Variants in CALN1 observed in about 807,000 individuals in gnomAD.
The protein encoded by CALN1 is calcium-binding protein 8.
In CALN1, 17 loss-of-function variants were observed where a neutral mutation model predicts 30.6. That is an observed-to-expected ratio of 0.56 (90% CI 0.38 to 0.83). The LOEUF is 0.83. Among genes scored for constraint, CALN1 ranks in the 40% least tolerant of loss-of-function variants. The pLI, the probability that CALN1 is intolerant of heterozygous loss-of-function variation, is 0.00. For synonymous variants in CALN1, 156 were observed against 131.4 expected, an observed-to-expected ratio of 1.19 and a Z score of -1.28; for missense variants, 291 against 354.9, an observed-to-expected ratio of 0.82 and a Z score of 1.45.
At chr7:72,212,459 T>C (rs902874609) in intron 3 of CALN1, among the ~76,000 whole-genome samples, 5 of 152,000 alleles carry the variant, frequency 3.3e-5, no homozygotes, top group African/African-American at 1.2e-4. Flanking sequence ...ATTGAAACTA[T>C]TCCAAAATAT....
At chr7:72,356,097 G>A (rs1290017036) in intron 2 of CALN1, among the ~76,000 whole-genome samples, 1 of 152,116 alleles carries the variant, frequency 6.6e-6, no homozygotes, top group African/African-American at 2.4e-5. Context: ...GTATCCCATA[G>A]ATATGCACAA....
At chr7:72,405,536 C>CT (rs944930600) in intron 1 of CALN1, among the ~76,000 whole-genome samples, 98 of 152,256 alleles carry the variant, frequency 6.4e-4, no homozygotes, top group African/African-American at 2.2e-3. Context: ...GCTGCACACT[C>CT]TGTCCCCAGC....
chr7:72,165,341 G>A lies in CALN1; in HGVS notation c.245-59047C>T, dbSNP rs562014351. On this transcript the variant is annotated intron_variant, in intron 3 of 6. Transcript: ENST00000395275. ...TGAGAAGCCGAGGCGGGCAGATCAA[G>A]TTGAGGTCATGAGTTTGAGACCAGC... Among the ~76,000 whole-genome samples, 5 of 152,198 alleles carry A rather than the reference G, an allele frequency of 3.3e-5. No homozygotes were observed. In the East Asian group the frequency reaches 9.7e-4, roughly 29 times the overall value.
intron 2 of CALN1, among the ~76,000 whole-genome samples, chr7:72,370,363 T>C (rs560181654): frequency 6.6e-6 from 1 of 152,314 alleles, no homozygotes; most frequent in African/African-American, 2.4e-5. Flanking sequence ...TTTCAAAAGC[T>C]CTTCATATGC....
At chr7:72,074,502 C>A (rs1804604362) in intron 4 of CALN1, among the ~76,000 whole-genome samples, 1 of 152,184 alleles carries the variant, frequency 6.6e-6, no homozygotes. Context: ...CTGCCTCCCA[C>A]GTTCAAGCGA....
chr7:72,411,480 T>C (rs1199293775), intron 1 of CALN1, among the ~76,000 whole-genome samples: 9 of 152,128 alleles, frequency 5.9e-5, no homozygotes, highest in Admixed American at 5.9e-4. Flanking sequence ...AATAAAAATA[T>C]CACTGTGAAC....
chr7:71,946,787 T>A lies in CALN1; in HGVS notation c.501+76870A>T, dbSNP rs1385359469. 2.0e-5 allele frequency among the ~76,000 whole-genome samples: 3 copies of A among 152,036 alleles called. No individual in the cohort carries two copies. In the East Asian group the frequency reaches 5.8e-4, roughly 29 times the overall value. ...AGGCATTGGATGGTACCTGACACGG[T>A]CTGGAATCAGGATTTCCTGACTTTG... On this transcript the variant is annotated intron_variant, in intron 5 of 6. Transcript: ENST00000395275.
chr7:71,806,237 C>T (rs1054388942), intron 6 of CALN1, among the ~76,000 whole-genome samples: 1 of 151,362 alleles, frequency 6.6e-6, no homozygotes, highest in Non-Finnish European at 1.5e-5. Context: ...CAGGTGTGCA[C>T]ATGTGCACGC....
At chr7:72,296,517 T>C (rs907109305) in intron 2 of CALN1, among the ~76,000 whole-genome samples, 1 of 151,602 alleles carries the variant, frequency 6.6e-6, no homozygotes, top group Non-Finnish European at 1.5e-5. Flanking sequence ...TGGTAAACTA[T>C]TGATTATTGC....
intron 5 of CALN1, among the ~76,000 whole-genome samples, chr7:71,952,597 C>T (rs1206633559): frequency 1.3e-5 from 2 of 152,110 alleles, no homozygotes; most frequent in African/African-American, 4.8e-5. Context: ...TTCCGTGACC[C>T]AAGGAAGCCA....
At chr7:72,404,437 G>C (rs962958898) in intron 1 of CALN1, among the ~76,000 whole-genome samples, 3 of 152,170 alleles carry the variant, frequency 2.0e-5, no homozygotes, top group African/African-American at 7.2e-5. Flanking sequence ...GACAAACAAA[G>C]ACTCTCTTGA....
chr7:72,387,993 T>C (rs138130754), intron 2 of CALN1, among the ~76,000 whole-genome samples: 211 of 152,170 alleles, frequency 1.4e-3, no homozygotes, highest in African/African-American at 4.4e-3. Context: ...AACAATAACA[T>C]GTTGTATATT....
chr7:72,368,758 T>C (rs191525600), intron 2 of CALN1, among the ~76,000 whole-genome samples: 6 of 151,084 alleles, frequency 4.0e-5, no homozygotes, highest in East Asian at 2.0e-4. Flanking sequence ...AAAGCCAAAG[T>C]CCTAGTGAAA....
At chr7:72,247,205 T>TTTTC (rs1436599731) in intron 3 of CALN1, among the ~76,000 whole-genome samples, 12 of 148,146 alleles carry the variant, frequency 8.1e-5, no homozygotes, top group African/African-American at 2.5e-5. Context: ...CTGGCAAGGG[T>TTTTC]TTTCAACAGA....
chr7:72,421,787 A>G (rs1789037209), intron 1 of CALN1, among the ~76,000 whole-genome samples: 1 of 151,618 alleles, frequency 6.6e-6, no homozygotes, highest in African/African-American at 2.4e-5. Flanking sequence ...ACAGGGTTTC[A>G]CCATGTTGGC....
At chr7:72,136,744 A>T (rs1809539078) in intron 3 of CALN1, among the ~76,000 whole-genome samples, 1 of 152,212 alleles carries the variant, frequency 6.6e-6, no homozygotes, top group African/African-American at 2.4e-5. Flanking sequence ...CTTAGAGGCC[A>T]CTGTAGCATT....
intron 4 of CALN1, among the ~76,000 whole-genome samples, chr7:72,096,303 CT>C (rs1806228405): frequency 6.6e-6 from 1 of 152,164 alleles, no homozygotes; most frequent in Admixed American, 6.5e-5. Flanking sequence ...TAAGGACAGA[CT>C]TTACTTCCTT....
At chr7:72,447,853 C>G (rs1205480964), upstream of CALN1, among the ~76,000 whole-genome samples, 2 of 151,880 alleles carry the variant, frequency 1.3e-5, no homozygotes, top group Non-Finnish European at 2.9e-5. Context: ...ACACACATTC[C>G]TGCCCATGCA....
At chr7:72,167,367 C>G (rs974705825) in intron 3 of CALN1, among the ~76,000 whole-genome samples, 1 of 152,114 alleles carries the variant, frequency 6.6e-6, no homozygotes, top group Non-Finnish European at 1.5e-5. Context: ...TTTTTTGAGA[C>G]AGCGTCTTTC....
Sources: allele counts gnomAD v4.1 joint callset (sites outside exome capture counted in the v4.1 genomes callset), GRCh38; gene constraint gnomAD v4.1.1; transcripts MANE v1.5; gene names NCBI Gene and HGNC (gene_info 2026-07-23, HGNC 2026-07-21).